The following GNL3L variants were observed in gnomAD, a reference collection of about 807,000 sequenced individuals.
GNL3L encodes G protein nucleolar 3 like.
A neutral mutation model predicts 42.9 loss-of-function variants in GNL3L; 4 were observed. The ratio of observed to expected loss-of-function variants is 0.09; its 90% CI spans 0.05 to 0.21. The LOEUF (loss-of-function observed/expected upper bound fraction) is 0.21. Among genes scored for constraint, GNL3L ranks in the 10% least tolerant of loss-of-function variants. GNL3L has a pLI of 1.00. For missense variants in GNL3L, 412 were observed against 481.7 expected, an observed-to-expected ratio of 0.86 and a Z score of 1.36; for synonymous variants, 159 against 176.3, an observed-to-expected ratio of 0.90 and a Z score of 0.78.
the GNL3L span, among the ~76,000 whole-genome samples, chrX:54,632,522 A>G: frequency 9.1e-6 from 1 of 110,209 alleles, no homozygotes; most frequent in Non-Finnish European, 1.9e-5. Context: ...TTCGAGCTGT[A>G]AAGTTCTTTC....
intron 14 of GNL3L, 131 bp from the exon 15 acceptor site, chrX:54,558,305 T>C (rs904073088): frequency 3.2e-5 from 15 of 474,610 alleles, no homozygotes; most frequent in African/African-American, 1.4e-4. Context: ...GGGGCCAGAA[T>C]TGGAGCCTAG....
intron 16 of GNL3L, among the ~76,000 whole-genome samples, chrX:54,612,489 T>C (rs1175368490): frequency 1.8e-5 from 2 of 111,810 alleles, no homozygotes; most frequent in African/African-American, 3.2e-5. Flanking sequence ...TTTTTTGTTT[T>C]TGCTTTTTAA....
At chrX:54,550,490 C>T (rs943647971) in intron 9 of GNL3L, among the ~76,000 whole-genome samples, 5 of 111,440 alleles carry the variant, frequency 4.5e-5, no homozygotes, top group African/African-American at 1.3e-4. Flanking sequence ...CAAAGACATC[C>T]ACAGGCTGAG....
downstream of GNL3L, among the ~76,000 whole-genome samples, chrX:54,626,424 C>A (rs779128962): frequency 1.6e-3 from 178 of 111,917 alleles, no homozygotes; most frequent in African/African-American, 5.4e-3. Context: ...TTTATCCATT[C>A]ATCCACTGAT....
chrX:54,590,058 G>T (rs996564501), intron 16 of GNL3L, among the ~76,000 whole-genome samples: 6 of 110,539 alleles, frequency 5.4e-5, no homozygotes, highest in Non-Finnish European at 7.6e-5. Context: ...TCCTGCCTCA[G>T]CCTCCCGAGT....
intron 9 of GNL3L, among the ~76,000 whole-genome samples, chrX:54,549,736 A>G (rs968644646): frequency 3.6e-5 from 4 of 112,373 alleles, no homozygotes; most frequent in Non-Finnish European, 7.5e-5. Context: ...GAAGACACGC[A>G]TGTGCCCACA....
intron 1 of GNL3L, among the ~76,000 whole-genome samples, chrX:54,531,902 C>A (rs1407548377): frequency 9.1e-6 from 1 of 110,043 alleles, no homozygotes. Context: ...AAGGTATAGA[C>A]CCCAGGCATA....
the GNL3L span, among the ~76,000 whole-genome samples, chrX:54,632,458 T>C: frequency 5.4e-5 from 6 of 111,584 alleles, no homozygotes; most frequent in Non-Finnish European, 9.4e-5. Context: ...GAGGCTTTGT[T>C]CTTTTTTGGA....
At chrX:54,627,112 G>A in the GNL3L span, among the ~76,000 whole-genome samples, 1 of 110,431 alleles carries the variant, frequency 9.1e-6, no homozygotes, top group Non-Finnish European at 1.9e-5. Context: ...GGGTTCAAGC[G>A]ATTCTCCTGC....
At chrX:54,547,811 G>A (rs1230042916) in intron 8 of GNL3L, among the ~76,000 whole-genome samples, 1 of 111,913 alleles carries the variant, frequency 8.9e-6, no homozygotes, top group East Asian at 2.8e-4. Flanking sequence ...TTGAGGGAGG[G>A]TAGGCTGTGG....
chrX:54,615,096 G>C (rs1026994599), intron 16 of GNL3L, among the ~76,000 whole-genome samples: 1 of 111,818 alleles, frequency 8.9e-6, no homozygotes, highest in Non-Finnish European at 1.9e-5. Flanking sequence ...ACAGCATCTG[G>C]AAACTACCAA....
chrX:54,599,570 A>C (rs1401454165), intron 16 of GNL3L, among the ~76,000 whole-genome samples: 1 of 111,359 alleles, frequency 9.0e-6, no homozygotes, highest in East Asian at 2.8e-4. Context: ...TGAATTCTTG[A>C]ATTTGTAAAT....
chrX:54,635,413 A>G, the GNL3L span, among the ~76,000 whole-genome samples: 1 of 112,054 alleles, frequency 8.9e-6, no homozygotes, highest in African/African-American at 3.2e-5. Context: ...GGACTTCCTC[A>G]GGAATAGTTT....
At chrX:54,568,312 T>C (rs1476616499), downstream of GNL3L, among the ~76,000 whole-genome samples, 1 of 111,629 alleles carries the variant, frequency 9.0e-6, no homozygotes, top group Non-Finnish European at 1.9e-5. Flanking sequence ...TTTCTATTGC[T>C]GCTGTAAAAA....
At chrX:54,601,733 C>G (rs1926006921) in intron 16 of GNL3L, among the ~76,000 whole-genome samples, 1 of 111,720 alleles carries the variant, frequency 9.0e-6, no homozygotes, top group African/African-American at 3.2e-5. Flanking sequence ...AACCCCAAAA[C>G]TGCCGTGTTT....
rs1049873455 is a variant in GNL3L at position 54,566,308 on chromosome X, G to T, written c.*5706G>T. Among the ~76,000 whole-genome samples, 1 of 111,924 alleles carries T rather than the reference G, an allele frequency of 8.9e-6. No homozygotes were observed. The highest frequency in any genetic ancestry group is 1.9e-5 in the Non-Finnish European group (1 of 53,234). The stretch of plus-strand genomic sequence containing the variant: ...TAGTTCCCATAATCCCCACACATAT[G>T]TACCACATTTTCTTTATCCAGTCTT... On this transcript the variant is annotated 3_prime_UTR_variant, in exon 16 of 16. Coordinates refer to ENST00000360845, the MANE Select transcript of GNL3L (RefSeq NM_001184819.2).
rs772661790 is a variant in GNL3L, at chrX:54,551,882, G to C, written c.1089G>C (p.Leu363=). The C allele has an allele frequency of 8.3e-7, 1 of 1,210,619 alleles. No homozygotes were observed. The part of the protein sequence containing the change: ...VSGFQTTEHF[L]TAVAHRLGKK... ...GGTTCCAGACCACTGAGCACTTTCTGACGGCAGTGGCCCACCGTTTGGGGA... is the reference window on the plus strand; with the variant it reads ...GGTTCCAGACCACTGAGCACTTTCTCACGGCAGTGGCCCACCGTTTGGGGA... The change falls in exon 12 of 16, where the codon CTG becomes CTC. Residue 363 remains leucine (L), a synonymous_variant. Coordinates refer to ENST00000360845, the MANE Select transcript of GNL3L (RefSeq NM_001184819.2).
intron 2 of GNL3L, among the ~76,000 whole-genome samples, chrX:54,533,238 C>T (rs1924313581): frequency 9.1e-6 from 1 of 109,550 alleles, no homozygotes; most frequent in South Asian, 3.9e-4. Context: ...TGATTAAGAG[C>T]GTGCCTGTAA....
intron 16 of GNL3L, among the ~76,000 whole-genome samples, chrX:54,575,261 T>C (rs919099189): frequency 3.6e-5 from 4 of 112,658 alleles, no homozygotes; most frequent in African/African-American, 1.3e-4. Flanking sequence ...TTCTGTTTTA[T>C]TCAGCTCAAT....
Sources: allele counts gnomAD v4.1 joint callset (sites outside exome capture counted in the v4.1 genomes callset), GRCh38; gene constraint gnomAD v4.1.1; transcripts MANE v1.5; gene names NCBI Gene and HGNC (gene_info 2026-07-23, HGNC 2026-07-21).